RABGAP1L: variants seen among roughly 807,000 people sequenced by gnomAD.
RABGAP1L encodes rab GTPase-activating protein 1-like.
RABGAP1L carries 63 observed loss-of-function variants against 137.7 expected under a neutral mutation model. The observed-to-expected ratio is 0.46, with a 90% CI of 0.37 to 0.56. The LOEUF (loss-of-function observed/expected upper bound fraction) is 0.56, where lower values mean the gene tolerates loss of function less well. RABGAP1L is among the 20% of genes least tolerant of loss of function. The pLI, the probability that RABGAP1L is intolerant of heterozygous loss-of-function variation, is 0.00. For missense variants in RABGAP1L, 1,095 were observed against 1,244.0 expected (o/e 0.88, Z 1.80); for synonymous variants, 431 against 433.7 (o/e 0.99, Z 0.08).
intron 13 of RABGAP1L, among the ~76,000 whole-genome samples, chr1:174,570,619 T>C (rs1667903356): frequency 1.3e-5 from 2 of 152,056 alleles, no homozygotes; most frequent in South Asian, 4.1e-4. Flanking sequence ...CTCAGCATTG[T>C]GCAATATACT....
At chr1:174,236,254 G>A (rs1292170904) in intron 4 of RABGAP1L, among the ~76,000 whole-genome samples, 1 of 40,746 alleles carries the variant, frequency 2.5e-5, no homozygotes, top group African/African-American at 9.3e-5. Context: ...AGGGTTTTTT[G>A]TGTCTCTATT....
chr1:174,622,797 A>G (rs1228564708), intron 13 of RABGAP1L, among the ~76,000 whole-genome samples: 4 of 152,238 alleles, frequency 2.6e-5, no homozygotes, highest in Non-Finnish European at 4.4e-5. Flanking sequence ...TGGCACATGT[A>G]TACATATGTA....
chr1:174,673,890 T>A (rs894905106), intron 14 of RABGAP1L, among the ~76,000 whole-genome samples: 1 of 152,190 alleles, frequency 6.6e-6, no homozygotes, highest in African/African-American at 2.4e-5. Flanking sequence ...TACCTCATTA[T>A]TTAGCTTCAC....
At chr1:174,336,528 G>T (rs1376834014) in intron 11 of RABGAP1L, among the ~76,000 whole-genome samples, 1 of 152,180 alleles carries the variant, frequency 6.6e-6, no homozygotes. Context: ...GCAGGCACTG[G>T]TTAAGGAAAT....
rs941482239 is a variant in RABGAP1L at position 174,612,213 on chromosome 1, A to G, written c.1711-25162A>G. On this transcript the variant is annotated intron_variant, in intron 13 of 25. Coordinates refer to ENST00000681986, the MANE Select transcript of RABGAP1L (RefSeq NM_001366446.1). ...GGGTCTGTCATAGATAGCTCTTATT[A>G]TTTTGAGATATGTCCCATCAATACC... Among the ~76,000 whole-genome samples the G allele has an allele frequency of 7.1e-4, 108 of 152,268 alleles. 1 individual carries two copies. The highest frequency in any genetic ancestry group is 2.4e-3 in the African/African-American group (100 of 41,560).
chr1:174,640,813 A>G (rs75209802), intron 14 of RABGAP1L, among the ~76,000 whole-genome samples: 3,249 of 151,884 alleles, frequency 0.021, 124 homozygotes, highest in African/African-American at 0.075. Flanking sequence ...TATCATAGCA[A>G]ACATCCTTTT....
At chr1:174,800,446 A>AT in intron 18 of RABGAP1L, 1 of 1,550,864 alleles carries the variant, frequency 6.4e-7, no homozygotes, top group Non-Finnish European at 8.7e-7. Context: ...ATGCGTGTCG[A>AT]GTGCTGGAAC....
chr1:174,760,459 G>T (rs955438259), intron 18 of RABGAP1L, among the ~76,000 whole-genome samples: 1 of 152,144 alleles, frequency 6.6e-6, no homozygotes, highest in Non-Finnish European at 1.5e-5. Context: ...AGTTTGCTTC[G>T]GATGATGGCC....
chr1:174,988,100 G>C (rs370835047), intron 24 of RABGAP1L, among the ~76,000 whole-genome samples: 6 of 152,158 alleles, frequency 3.9e-5, no homozygotes, highest in Admixed American at 1.3e-4. Context: ...TGAGCCACCA[G>C]GCCCGGCCGG....
At chr1:174,920,982 G>C (rs1558234257) in intron 19 of RABGAP1L, among the ~76,000 whole-genome samples, 1 of 152,146 alleles carries the variant, frequency 6.6e-6, no homozygotes, top group Non-Finnish European at 1.5e-5. Context: ...GAGTACAGTG[G>C]AGCGATCTTG....
chr1:174,328,575 G>C (rs1680751862), intron 11 of RABGAP1L, among the ~76,000 whole-genome samples: 1 of 152,106 alleles, frequency 6.6e-6, no homozygotes, highest in Non-Finnish European at 1.5e-5. Flanking sequence ...TTCAAGATCA[G>C]TCTGGCCAAC....
At chr1:174,343,089 T>C (rs1422876431) in intron 11 of RABGAP1L, among the ~76,000 whole-genome samples, 3 of 152,210 alleles carry the variant, frequency 2.0e-5, no homozygotes, top group Non-Finnish European at 4.4e-5. Context: ...GAATATTCTT[T>C]ATATCCTGCT....
At position 174,738,067 on chromosome 1, in the gene RABGAP1L, T is replaced by C. The variant is rs568374808; in HGVS notation, c.2170-14246T>C. 7.2e-4 allele frequency among the ~76,000 whole-genome samples: 109 copies of C among 152,232 alleles called. No individual in the cohort carries two copies. In the South Asian group the frequency reaches 7.3e-3, roughly 10 times the overall value. On this transcript the variant is annotated intron_variant, in intron 17 of 25. Transcript: ENST00000681986. ...TTGGAAGGGACAGAAATCCCCACCA[T>C]GTTTGGTGGCATCATGGGCTGACAT... is the stretch of plus-strand genomic sequence containing the variant.
intron 13 of RABGAP1L, among the ~76,000 whole-genome samples, chr1:174,568,237 C>G (rs1667712714): frequency 6.6e-6 from 1 of 152,132 alleles, no homozygotes; most frequent in South Asian, 2.1e-4. Context: ...TGAGAAATCA[C>G]TGATCACCAA....
chr1:174,634,735 G>A (rs1266232794), intron 13 of RABGAP1L, among the ~76,000 whole-genome samples: 3 of 141,642 alleles, frequency 2.1e-5, no homozygotes, highest in Non-Finnish European at 3.0e-5. Flanking sequence ...CCTTTGTAGG[G>A]ACATGGATGA....
chr1:174,234,680 T>C (rs936823181), intron 4 of RABGAP1L, among the ~76,000 whole-genome samples: 4 of 151,104 alleles, frequency 2.6e-5, no homozygotes, highest in African/African-American at 9.8e-5. Flanking sequence ...CCTTGTAGTA[T>C]AGTTTGAAGT....
intron 11 of RABGAP1L, among the ~76,000 whole-genome samples, chr1:174,322,057 G>A (rs1410482396): frequency 6.6e-6 from 1 of 152,012 alleles, no homozygotes; most frequent in Non-Finnish European, 1.5e-5. Context: ...TCTGAAAAAT[G>A]TCTTTTGAAG....
intron 21 of RABGAP1L, among the ~76,000 whole-genome samples, chr1:174,972,720 G>A (rs755398507): frequency 9.9e-5 from 15 of 151,852 alleles, no homozygotes; most frequent in Non-Finnish European, 1.6e-4. Context: ...CAGGTGTGGC[G>A]GCATGCGCCC....
At chr1:174,879,722 A>C (rs1653830017) in intron 19 of RABGAP1L, among the ~76,000 whole-genome samples, 1 of 152,240 alleles carries the variant, frequency 6.6e-6, no homozygotes, top group African/African-American at 2.4e-5. Flanking sequence ...TAAAAGAATC[A>C]GCTGGAAGAC....
Sources: allele counts gnomAD v4.1 joint callset (sites outside exome capture counted in the v4.1 genomes callset), GRCh38; gene constraint gnomAD v4.1.1; transcripts MANE v1.5; gene names NCBI Gene and HGNC (gene_info 2026-07-23, HGNC 2026-07-21).